CSMD1: variants seen among roughly 807,000 people sequenced by gnomAD.
CSMD1 encodes CUB and Sushi multiple domains 1.
CSMD1 carries 213 observed loss-of-function variants against 417.5 expected under a neutral mutation model. The ratio of observed to expected loss-of-function variants is 0.51; its 90% CI spans 0.46 to 0.57. The LOEUF (loss-of-function observed/expected upper bound fraction) is 0.57, where lower values mean the gene tolerates loss of function less well. Ranked by LOEUF, CSMD1 falls within the 20% of genes least tolerant of loss-of-function variation. The pLI is 0.00. For synonymous variants in CSMD1, 2,862 were observed against 1,736.8 expected (o/e 1.65, Z -16.11); for missense variants, 6,923 against 4,529.7 (o/e 1.53, Z -15.17).
At chr8:3,211,922 G>C (rs1797633479) in intron 30 of CSMD1, among the ~76,000 whole-genome samples, 1 of 152,214 alleles carries the variant, frequency 6.6e-6, no homozygotes, top group Non-Finnish European at 1.5e-5. Context: ...AGACAAGAGG[G>C]GGTGGAGGTG....
chr8:4,337,853 A>C (rs1800259061), intron 3 of CSMD1, among the ~76,000 whole-genome samples: 1 of 152,172 alleles, frequency 6.6e-6, no homozygotes. Flanking sequence ...TCCTTCGTAA[A>C]GACTTTAAGA....
chr8:4,254,699 T>C lies in CSMD1; in HGVS notation c.415+165254A>G, dbSNP rs190238697. Among the ~76,000 whole-genome samples, 432 of 152,236 alleles carry C rather than the reference T, an allele frequency of 2.8e-3. 3 individuals carry two copies. Among genetic ancestry groups the C allele is most frequent in the Non-Finnish European group, 4.3e-3 (295 of 68,022 alleles). On this transcript the variant is annotated intron_variant, in intron 3 of 69. Transcript: ENST00000635120. ...TACGTTTCACTCCATATTTTTACCG[T>C]ACCTTTTCCATGTGTAGGTATGGTT...
chr8:3,716,517 G>C (rs114453210), intron 6 of CSMD1, among the ~76,000 whole-genome samples: 2 of 152,204 alleles, frequency 1.3e-5, no homozygotes, highest in African/African-American at 4.8e-5. Context: ...TGGTGCTGAT[G>C]TGAGTGCAGC....
intron 23 of CSMD1, among the ~76,000 whole-genome samples, chr8:3,327,285 G>A (rs1052991501): frequency 1.8e-4 from 28 of 152,020 alleles, no homozygotes; most frequent in South Asian, 4.1e-4. Context: ...TGGGACTACA[G>A]GCACCCACCA....
chr8:4,172,863 T>A (rs759803075), intron 3 of CSMD1, among the ~76,000 whole-genome samples: 1 of 152,084 alleles, frequency 6.6e-6, no homozygotes, highest in Admixed American at 6.6e-5. Context: ...GCCGTGTGCG[T>A]AGGCATAAAA....
chr8:3,753,067 G>C (rs564011886), intron 6 of CSMD1, among the ~76,000 whole-genome samples: 1 of 152,210 alleles, frequency 6.6e-6, no homozygotes, highest in East Asian at 1.9e-4. Flanking sequence ...CAGCATGGAG[G>C]ATGCTGTAAT....
intron 2 of CSMD1, among the ~76,000 whole-genome samples, chr8:4,590,019 T>G (rs1203968811): frequency 1.3e-5 from 2 of 152,234 alleles, no homozygotes; most frequent in Non-Finnish European, 2.9e-5. Context: ...TGGCTCCAAA[T>G]GCTTGTCTAT....
chr8:2,957,548 T>TCTAGGGAACCAAA, intron 63 of CSMD1, 148 bp downstream of exon 63: 1 of 591,366 alleles, frequency 1.7e-6, no homozygotes, highest in South Asian at 1.9e-5. Context: ...TGCTGCCAGT[T>TCTAGGGAACCAAA]CTAGGGAACC....
intron 54 of CSMD1, among the ~76,000 whole-genome samples, chr8:2,979,646 A>G (rs1435063803): frequency 6.6e-6 from 1 of 152,230 alleles, no homozygotes; most frequent in African/African-American, 2.4e-5. Flanking sequence ...GAGTCCCAGA[A>G]GCTGAAGACA....
chr8:3,609,230 G>C lies in CSMD1; in HGVS notation c.1097+7480C>G, dbSNP rs138805897. Among the ~76,000 whole-genome samples the C allele has an allele frequency of 2.6e-5, 4 of 152,276 alleles. No individual in the cohort carries two copies. The East Asian group carries it at 7.7e-4, about 29-fold the overall frequency. On this transcript the variant is annotated intron_variant, in intron 8 of 69. Transcript: ENST00000635120. ...TGGACATAGGCTACATATCCTGTTAGCACAGAAAGACAGATGAACAATAGA... is the reference window on the plus strand; with the variant it reads ...TGGACATAGGCTACATATCCTGTTACCACAGAAAGACAGATGAACAATAGA...
chr8:3,347,381 C>G (rs1395597638), intron 22 of CSMD1, among the ~76,000 whole-genome samples: 2 of 152,148 alleles, frequency 1.3e-5, no homozygotes, highest in Non-Finnish European at 2.9e-5. Context: ...GGGATTTTGT[C>G]AATCAACGCA....
chr8:4,459,847 G>A lies in CSMD1; in HGVS notation c.303-39782C>T, dbSNP rs182517256. On this transcript the variant is annotated intron_variant, in intron 2 of 69. Coordinates refer to ENST00000635120, the MANE Select transcript of CSMD1 (RefSeq NM_033225.6). ...GTGTCACTGGGCCTAGATAACTAAAGCATGCCCCTACCAGAGCCTCAAAAT... is the reference window on the plus strand; with the variant it reads ...GTGTCACTGGGCCTAGATAACTAAAACATGCCCCTACCAGAGCCTCAAAAT... Among the ~76,000 whole-genome samples, 786 of 152,232 alleles carry A rather than the reference G, an allele frequency of 5.2e-3. 3 individuals are homozygous for A. Among genetic ancestry groups the A allele is most frequent in the Non-Finnish European group, 8.6e-3 (584 of 68,004 alleles).
intron 3 of CSMD1, among the ~76,000 whole-genome samples, chr8:4,168,981 T>G (rs1381396765): frequency 6.6e-6 from 1 of 152,118 alleles, no homozygotes; most frequent in East Asian, 1.9e-4. Context: ...GCCGTTCTCC[T>G]CATTTTCCTA....
chr8:3,411,918 G>GCACGTATATATA (rs1812774561), intron 12 of CSMD1, among the ~76,000 whole-genome samples: 1 of 40,594 alleles, frequency 2.5e-5, no homozygotes, highest in African/African-American at 7.1e-5. Context: ...ACGTATATAT[G>GCACGTATATATA]CACGTATATA....
intron 12 of CSMD1, among the ~76,000 whole-genome samples, chr8:3,418,249 A>G (rs564134635): frequency 2.4e-4 from 36 of 152,230 alleles, no homozygotes; most frequent in Non-Finnish European, 4.4e-4. Context: ...TGGACTCTGG[A>G]AATTCGGGCT....
At chr8:4,294,951 G>C (rs745489294) in intron 3 of CSMD1, among the ~76,000 whole-genome samples, 4 of 151,092 alleles carry the variant, frequency 2.6e-5, no homozygotes, top group African/African-American at 4.9e-5. Context: ...TTCAGGTAAA[G>C]TGCCAAGGAT....
In CSMD1 at chr8:3,417,206, T is replaced by C. The variant is rs550555911; in HGVS notation, c.1562-7601A>G. On this transcript the variant is annotated intron_variant, in intron 12 of 69. Coordinates refer to ENST00000635120, the MANE Select transcript of CSMD1 (RefSeq NM_033225.6). The stretch of plus-strand genomic sequence containing the variant: ...TCTTCAAGTTATCACAAAATAGATG[T>C]ACTATGATGATGTTCCATAAATAAG... 4.6e-5 allele frequency among the ~76,000 whole-genome samples: 7 copies of C among 152,340 alleles called. No homozygotes were observed. In the South Asian group the frequency reaches 1.5e-3, roughly 32 times the overall value.
At chr8:3,947,170 G>A (rs118089493) in intron 5 of CSMD1, among the ~76,000 whole-genome samples, 2 of 152,176 alleles carry the variant, frequency 1.3e-5, no homozygotes, top group South Asian at 2.1e-4. Context: ...AATTTCCATG[G>A]ATGCCCTTTA....
chr8:4,883,836 T>C (rs1803562331), intron 1 of CSMD1, among the ~76,000 whole-genome samples: 1 of 152,094 alleles, frequency 6.6e-6, no homozygotes, highest in African/African-American at 2.4e-5. Flanking sequence ...TAATTTCTCT[T>C]AGATTTATAA....
Sources: allele counts gnomAD v4.1 joint callset (sites outside exome capture counted in the v4.1 genomes callset), GRCh38; gene constraint gnomAD v4.1.1; transcripts MANE v1.5; gene names NCBI Gene and HGNC (gene_info 2026-07-23, HGNC 2026-07-21).